NEK7: variants seen among roughly 807,000 people sequenced by gnomAD.
The protein encoded by NEK7 is serine/threonine-protein kinase Nek7.
NEK7 carries 18 observed loss-of-function variants against 44.6 expected under a neutral mutation model. The observed-to-expected ratio is 0.40, with a 90% CI of 0.28 to 0.60. The LOEUF (loss-of-function observed/expected upper bound fraction) is 0.60, where lower values mean the gene tolerates loss of function less well. Ranked by LOEUF, NEK7 falls within the 20% of genes least tolerant of loss-of-function variation. The pLI is 0.38. For missense variants in NEK7, 256 were observed against 366.5 expected (o/e 0.70, Z 2.46); for synonymous variants, 130 against 121.1 (o/e 1.07, Z -0.48).
chr1:198,219,107 G>A (rs182731903), intron 1 of NEK7, among the ~76,000 whole-genome samples: 6 of 151,872 alleles, frequency 4.0e-5, no homozygotes, highest in Admixed American at 6.6e-5. Context: ...ACGCTTGCAC[G>A]TGTATGTTTA....
chr1:198,193,007 A>G (rs1417425310), intron 1 of NEK7, among the ~76,000 whole-genome samples: 1 of 151,950 alleles, frequency 6.6e-6, no homozygotes, highest in Admixed American at 6.6e-5. Flanking sequence ...TCTTCAAAAA[A>G]TCAATGAATC....
chr1:198,319,347 CCT>C lies in NEK7; in HGVS notation c.799-61_799-60del. On this transcript the variant is annotated intron_variant, in intron 9 of 9. Coordinates refer to ENST00000367385, the MANE Select transcript of NEK7 (RefSeq NM_133494.3). ...AATCTATAGCTATTCATAATTTCTT[CCT>C]CTCAGTAAACTAACCAAAAATAGTT... 6.9e-6 allele frequency: 7 copies of C among 1,007,528 alleles called. No individual in the cohort carries two copies. In the Middle Eastern group the frequency reaches 1.5e-3, roughly 214 times the overall value. The allele number at this position is 1,007,528 out of a possible 1,614,324, so 62.4% of individuals were successfully genotyped here. A position where few individuals can be genotyped will look rare whatever the true frequency, so the allele number is the denominator to read the frequency against.
chr1:198,253,086 G>T lies in NEK7; in HGVS notation c.104G>T (p.Arg35Leu), dbSNP rs773843922. ...GGCTATAATACATTAGCCAACTTTCGAATAGAAAAGAAAATTGGTCGCGGA... is the reference window on the plus strand; with the variant it reads ...GGCTATAATACATTAGCCAACTTTCTAATAGAAAAGAAAATTGGTCGCGGA... ...DMGYNTLANF[R>L]IEKKIGRGQF... Residue 35 changes from arginine to leucine, a missense_variant, in exon 3 of 10, where the codon CGA (arginine) becomes CTA (leucine). Arg to Leu is a moderately radical substitution (Grantham distance 102). This residue lies in a region of NEK7 where 96 missense variants were observed against 94.9 expected (regional missense o/e 1.01). Transcript: ENST00000367385. 3 of 1,612,144 alleles carry T rather than the reference G, an allele frequency of 1.9e-6. No homozygotes were observed. In the South Asian group the frequency reaches 3.3e-5, roughly 18 times the overall value.
chr1:198,252,627 G>GTTTTATATATTAAAACATA (rs1653094417), intron 2 of NEK7, among the ~76,000 whole-genome samples: 1 of 91,120 alleles, frequency 1.1e-5, no homozygotes, highest in Admixed American at 1.3e-4. Flanking sequence ...ACATGTATAT[G>GTTTTATATATTAAAACATA]TATGTTTTAT....
chr1:198,220,435 T>C (rs553659985), intron 1 of NEK7, among the ~76,000 whole-genome samples: 1 of 152,114 alleles, frequency 6.6e-6, no homozygotes, highest in Admixed American at 6.6e-5. Context: ...TAACTATAAA[T>C]GTTGAGACTG....
intron 2 of NEK7, 34 bp from the exon 3 acceptor site, chr1:198,253,006 T>C: frequency 1.3e-6 from 2 of 1,584,966 alleles, no homozygotes; most frequent in Non-Finnish European, 1.7e-6. Context: ...GTATATTGTG[T>C]GATTGAAAAT....
At chr1:198,311,890 T>G (rs895132655) in intron 9 of NEK7, among the ~76,000 whole-genome samples, 4 of 152,220 alleles carry the variant, frequency 2.6e-5, no homozygotes, top group Admixed American at 2.6e-4. Context: ...GATATTGGTC[T>G]AAAATTCCCT....
chr1:198,178,009 TA>T (rs1664656051), intron 1 of NEK7, among the ~76,000 whole-genome samples: 1 of 149,948 alleles, frequency 6.7e-6, no homozygotes. Context: ...GTATACAGTA[TA>T]TTAAATTTCC....
chr1:198,316,911 G>A (rs1447674542), intron 9 of NEK7, among the ~76,000 whole-genome samples: 1 of 152,200 alleles, frequency 6.6e-6, no homozygotes, highest in Non-Finnish European at 1.5e-5. Context: ...TTGTGGACAG[G>A]TCCTTTGTCT....
At chr1:198,252,164 T>G (rs2102921580) in intron 2 of NEK7, among the ~76,000 whole-genome samples, 1 of 152,256 alleles carries the variant, frequency 6.6e-6, no homozygotes, top group African/African-American at 2.4e-5. Context: ...GGTTGTTCAG[T>G]TTCCACACAG....
chr1:198,238,755 T>C (rs1002776150), intron 2 of NEK7, among the ~76,000 whole-genome samples: 5 of 152,222 alleles, frequency 3.3e-5, no homozygotes, highest in African/African-American at 1.2e-4. Flanking sequence ...TCTGTTTGAC[T>C]CCAAGCCAAT....
intron 3 of NEK7, among the ~76,000 whole-genome samples, chr1:198,258,902 C>G (rs1653362652): frequency 6.6e-6 from 1 of 152,142 alleles, no homozygotes; most frequent in Non-Finnish European, 1.5e-5. Context: ...CTCATGAAAT[C>G]ATCGGACAGC....
At chr1:198,282,498 C>CT (rs1654235164) in intron 7 of NEK7, among the ~76,000 whole-genome samples, 2 of 152,102 alleles carry the variant, frequency 1.3e-5, no homozygotes, top group Non-Finnish European at 2.9e-5. Context: ...TTTGCATGCT[C>CT]TGTAGGACCT....
At chr1:198,229,552 C>T (rs1014472265) in intron 1 of NEK7, among the ~76,000 whole-genome samples, 3 of 151,998 alleles carry the variant, frequency 2.0e-5, no homozygotes, top group Non-Finnish European at 4.4e-5. Flanking sequence ...GTTGCTATCT[C>T]CAGGAAGATA....
chr1:198,183,476 T>A (rs570420836), intron 1 of NEK7, among the ~76,000 whole-genome samples: 1 of 152,296 alleles, frequency 6.6e-6, no homozygotes, highest in Admixed American at 6.5e-5. Flanking sequence ...GAAGGAGGTA[T>A]TCTAGGATGA....
At chr1:198,319,217 A>G (rs1468182255) in intron 9 of NEK7, among the ~76,000 whole-genome samples, 195 bp from the exon 10 acceptor site, 1 of 152,170 alleles carries the variant, frequency 6.6e-6, no homozygotes, top group African/African-American at 2.4e-5. Context: ...TGTCCATTCA[A>G]TGCACTTCAT....
chr1:198,275,228 T>C (rs1196943798), intron 5 of NEK7, among the ~76,000 whole-genome samples: 1 of 151,136 alleles, frequency 6.6e-6, no homozygotes, highest in Non-Finnish European at 1.5e-5. Flanking sequence ...CTAAACAAAA[T>C]TATGTCCAAG....
rs1452350860 is a variant in NEK7 at position 198,191,810 on chromosome 1, T to C, written c.-29+34534T>C. ...TAGTACAAGGTGGTAATCCTTTGTTTCTGTGTGTGTACGTGTGTATGTATT... is the reference window on the plus strand; with the variant it reads ...TAGTACAAGGTGGTAATCCTTTGTTCCTGTGTGTGTACGTGTGTATGTATT... On this transcript the variant is annotated intron_variant, in intron 1 of 9. Transcript: ENST00000367385. Among the ~76,000 whole-genome samples the C allele has an allele frequency of 2.7e-4, 41 of 152,148 alleles. 1 individual carries two copies. The highest frequency in any genetic ancestry group is 2.7e-3 in the Admixed American group (41 of 15,272).
chr1:198,312,747 T>C (rs10922399), intron 9 of NEK7, among the ~76,000 whole-genome samples: 18,454 of 145,058 alleles, frequency 0.13, 1,307 homozygotes, highest in East Asian at 0.38. Flanking sequence ...AGTTGAGCGA[T>C]TTTGAGTGAG....
Sources: gnomAD v4.1 joint callset for allele counts (sites outside exome capture counted in the v4.1 genomes callset) on GRCh38, gnomAD v4.1.1 for gene constraint, gnomAD v4.1.1 regional missense constraint, MANE v1.5 for transcripts, NCBI Gene and HGNC (gene_info 2026-07-23, HGNC 2026-07-21) for gene names.